The following SNTB1 variants were observed in gnomAD, a reference collection of about 807,000 sequenced individuals.
SNTB1 encodes the protein beta-1-syntrophin.
In SNTB1, 36 loss-of-function variants were observed where a neutral mutation model predicts 48.9. The observed-to-expected ratio is 0.74, with a 90% CI of 0.56 to 0.97. The LOEUF is 0.97. Among genes scored for constraint, SNTB1 ranks in the 50% least tolerant of loss-of-function variants. SNTB1 has a pLI of 0.00. For synonymous variants in SNTB1, 299 were observed against 294.6 expected (o/e 1.01, Z -0.15); for missense variants, 786 against 703.4 (o/e 1.12, Z -1.33).
chr8:120,640,491 T>C (rs1469593382), intron 2 of SNTB1, among the ~76,000 whole-genome samples: 11 of 152,182 alleles, frequency 7.2e-5, no homozygotes, highest in Non-Finnish European at 1.6e-4. Flanking sequence ...TTTTTGCCCA[T>C]TCAGTATGAT....
At chr8:120,623,594 C>G (rs1816827002) in intron 3 of SNTB1, among the ~76,000 whole-genome samples, 2 of 152,214 alleles carry the variant, frequency 1.3e-5, no homozygotes, top group South Asian at 4.1e-4. Context: ...GTCCTTCTCC[C>G]AGGCTGTGAG....
chr8:120,582,635 C>T (rs1286205520), intron 3 of SNTB1, among the ~76,000 whole-genome samples: 3 of 152,086 alleles, frequency 2.0e-5, no homozygotes, highest in Non-Finnish European at 4.4e-5. Context: ...TGGAAACCAT[C>T]ATTCTCAGCA....
intron 1 of SNTB1, chr8:120,761,414 T>A (rs537410255): frequency 6.6e-6 from 1 of 152,330 alleles, no homozygotes; most frequent in East Asian, 1.9e-4. Context: ...AACTCCTATG[T>A]TAGCAGCTCC....
chr8:120,686,072 TAAGA>T (rs1818026167), intron 2 of SNTB1, among the ~76,000 whole-genome samples: 1 of 152,182 alleles, frequency 6.6e-6, no homozygotes, highest in African/African-American at 2.4e-5. Context: ...CATGGCCACA[TAAGA>T]TAATTTCGAA....
At chr8:120,649,521 C>T (rs1476735766) in intron 2 of SNTB1, among the ~76,000 whole-genome samples, 4 of 140,574 alleles carry the variant, frequency 2.8e-5, no homozygotes, top group East Asian at 2.0e-4. Context: ...GCAGTCTGCC[C>T]GTTCTCAGAT....
At chr8:120,582,466 G>T (rs1816063632) in intron 3 of SNTB1, among the ~76,000 whole-genome samples, 1 of 152,012 alleles carries the variant, frequency 6.6e-6, no homozygotes, top group African/African-American at 2.4e-5. Flanking sequence ...AAACATGAAA[G>T]CATCAGAAAG....
chr8:120,732,376 A>T (rs1818867730), intron 1 of SNTB1, among the ~76,000 whole-genome samples: 1 of 152,214 alleles, frequency 6.6e-6, no homozygotes, highest in African/African-American at 2.4e-5. Context: ...TTTCCAGTTA[A>T]TACTCATGTT....
intron 3 of SNTB1, among the ~76,000 whole-genome samples, chr8:120,621,053 G>A (rs1159136781): frequency 6.6e-6 from 1 of 151,758 alleles, no homozygotes; most frequent in Non-Finnish European, 1.5e-5. Flanking sequence ...TCCACCTCCC[G>A]GGTTCAAGTG....
intron 1 of SNTB1, among the ~76,000 whole-genome samples, chr8:120,773,010 G>A (rs1256485621): frequency 6.6e-6 from 1 of 152,074 alleles, no homozygotes; most frequent in Admixed American, 6.5e-5. Flanking sequence ...TCATTTACAT[G>A]TCAACTATGT....
intron 1 of SNTB1, among the ~76,000 whole-genome samples, chr8:120,720,965 T>C (rs1818649906): frequency 6.6e-6 from 1 of 152,212 alleles, no homozygotes; most frequent in Non-Finnish European, 1.5e-5. Flanking sequence ...AACTCAGGCA[T>C]GAGAAGGAAT....
chr8:120,561,234 C>T (rs990589094), intron 4 of SNTB1, among the ~76,000 whole-genome samples: 7 of 147,372 alleles, frequency 4.7e-5, no homozygotes, highest in Non-Finnish European at 7.4e-5. Flanking sequence ...GGCTGAGGAT[C>T]GCTTGAACCC....
At chr8:120,610,219 C>T (rs575985439) in intron 3 of SNTB1, among the ~76,000 whole-genome samples, 7 of 152,190 alleles carry the variant, frequency 4.6e-5, no homozygotes, top group Non-Finnish European at 1.0e-4. Flanking sequence ...TCACTGCAAC[C>T]TCTGCCTCCC....
At chr8:120,809,864 G>A (rs1241706754) in intron 1 of SNTB1, among the ~76,000 whole-genome samples, 11 of 152,206 alleles carry the variant, frequency 7.2e-5, no homozygotes. Flanking sequence ...AACAAGGTTG[G>A]TGGGGGAGGA....
In SNTB1 at chr8:120,811,915, G is replaced by T; in HGVS notation, c.-72C>A. On this transcript the variant is annotated 5_prime_UTR_variant, in exon 1 of 7. Transcript: ENST00000517992. ...AGTGGGGAAGGGTGGCCGGGGGGAG[G>T]ACGCGGGGCCCGGGGGAGCGAGGAG... 7.8e-7 allele frequency: 1 copy of T among 1,280,788 alleles called. No individual in the cohort carries two copies. Among genetic ancestry groups the T allele is most frequent in the South Asian group, 2.7e-5 (1 of 37,668 alleles). 79.3% of individuals were successfully genotyped at this position (1,280,788 alleles called of 1,614,324 possible).
intron 2 of SNTB1, among the ~76,000 whole-genome samples, chr8:120,676,649 T>G (rs544080266): frequency 1.3e-5 from 2 of 152,296 alleles, no homozygotes; most frequent in African/African-American, 4.8e-5. Context: ...AATGGTGTAC[T>G]TCTCACCCTA....
chr8:120,625,628 A>G (rs989987328), intron 3 of SNTB1, among the ~76,000 whole-genome samples: 1 of 152,196 alleles, frequency 6.6e-6, no homozygotes, highest in African/African-American at 2.4e-5. Flanking sequence ...CAAAAGACTA[A>G]TGGGAAGATT....
At chr8:120,607,243 A>G (rs766422848) in intron 3 of SNTB1, among the ~76,000 whole-genome samples, 6 of 152,260 alleles carry the variant, frequency 3.9e-5, no homozygotes, top group Non-Finnish European at 7.3e-5. Flanking sequence ...AAAATCTTAC[A>G]GAGGAACACA....
At chr8:120,644,404 T>C (rs370032662) in intron 2 of SNTB1, among the ~76,000 whole-genome samples, 1 of 146,706 alleles carries the variant, frequency 6.8e-6, no homozygotes, top group South Asian at 2.2e-4. Flanking sequence ...TGAGTGAGAA[T>C]ATGCGATGTT....
chr8:120,583,474 T>C (rs1816081226), intron 3 of SNTB1, among the ~76,000 whole-genome samples: 1 of 147,800 alleles, frequency 6.8e-6, no homozygotes, highest in Non-Finnish European at 1.5e-5. Context: ...ATCGAGACAC[T>C]TCACTCCAGC....
Sources: gnomAD v4.1 joint callset for allele counts (sites outside exome capture counted in the v4.1 genomes callset) on GRCh38, gnomAD v4.1.1 for gene constraint, MANE v1.5 for transcripts, NCBI Gene and HGNC (gene_info 2026-07-23, HGNC 2026-07-21) for gene names.